Variants in HMCN1 observed in about 807,000 individuals in gnomAD.
HMCN1 encodes hemicentin-1.
A neutral mutation model predicts 625.9 loss-of-function variants in HMCN1; 321 were observed. The observed-to-expected ratio is 0.51, with a 90% CI of 0.47 to 0.56. The LOEUF (loss-of-function observed/expected upper bound fraction) is 0.56. Among genes scored for constraint, HMCN1 ranks in the 20% least tolerant of loss-of-function variants. HMCN1 has a pLI of 0.00. For missense variants in HMCN1, 6,588 were observed against 6,887.3 expected (o/e 0.96, Z 1.54); for synonymous variants, 2,425 against 2,417.6 (o/e 1.00, Z -0.09).
At chr1:186,002,205 A>G (rs376836887) in intron 28 of HMCN1, among the ~76,000 whole-genome samples, 3 of 152,098 alleles carry the variant, frequency 2.0e-5, no homozygotes, top group African/African-American at 7.2e-5. Flanking sequence ...TAACTAAGTC[A>G]GTCCTGATTC....
chr1:186,180,062 C>G (rs546521330), intron 104 of HMCN1, among the ~76,000 whole-genome samples: 48 of 152,284 alleles, frequency 3.2e-4, no homozygotes, highest in African/African-American at 1.1e-3. Flanking sequence ...TCTTCTACCA[C>G]CAAACATTAA....
At position 186,112,742 on chromosome 1, in the gene HMCN1, T is replaced by G. The variant is rs910469929; in HGVS notation, c.10990-70T>G. ...CACAGTTCACTATACTTACTTTTGA[T>G]GCTGTGAAATAATATTTATTCTCTT... On this transcript the variant is annotated intron_variant, in intron 71 of 106. Transcript: ENST00000271588. 7.6e-6 allele frequency: 12 copies of G among 1,576,120 alleles called. No individual in the cohort carries two copies. The Admixed American group carries it at 1.0e-4, about 13-fold the overall frequency.
At chr1:185,810,003 G>A (rs973073182) in intron 1 of HMCN1, among the ~76,000 whole-genome samples, 1 of 152,060 alleles carries the variant, frequency 6.6e-6, no homozygotes, top group Non-Finnish European at 1.5e-5. Flanking sequence ...TAAAGGTGAG[G>A]AAATAAACAC....
At chr1:186,146,928 C>T (rs1650351388) in intron 93 of HMCN1, among the ~76,000 whole-genome samples, 1 of 152,154 alleles carries the variant, frequency 6.6e-6, no homozygotes. Flanking sequence ...CACTGGGACT[C>T]AAGTCCCTCT....
At chr1:185,760,906 G>C (rs111646686) in intron 1 of HMCN1, among the ~76,000 whole-genome samples, 3,123 of 152,264 alleles carry the variant, frequency 0.021, 60 homozygotes, top group South Asian at 0.052. Flanking sequence ...AAGTTTTACT[G>C]TCAGAGTCTC....
At position 186,063,449 on chromosome 1, in the gene HMCN1, A is replaced by AGAAG. The variant is rs71798893; in HGVS notation, c.7513+911_7513+914dup. 7.0e-3 allele frequency among the ~76,000 whole-genome samples: 730 copies of AGAAG among 104,328 alleles called. 7 individuals are homozygous for AGAAG. Among genetic ancestry groups the AGAAG allele is most frequent in the Non-Finnish European group, 8.8e-3 (447 of 50,836 alleles). 68.4% of individuals were successfully genotyped at this position (104,328 alleles called of 152,430 possible). A position where few individuals can be genotyped will look rare whatever the true frequency, so the allele number is the denominator to read the frequency against. On this transcript the variant is annotated intron_variant, in intron 48 of 106. Transcript: ENST00000271588. ...AAGGGAGGGAGGGAGGGACGGAGAGAGAAGGAAGGAAGGAAGGAAGGAAGG... is the reference window on the plus strand; with the variant it reads ...AAGGGAGGGAGGGAGGGACGGAGAGAGAAGGAAGGAAGGAAGGAAGGAAGGAAGG...
At chr1:185,750,426 A>G (rs1311974538) in intron 1 of HMCN1, among the ~76,000 whole-genome samples, 1 of 152,152 alleles carries the variant, frequency 6.6e-6, no homozygotes, top group Non-Finnish European at 1.5e-5. Context: ...AAATGTTCCC[A>G]TTGTAATTAT....
chr1:186,002,573 T>G (rs755016123), intron 28 of HMCN1, among the ~76,000 whole-genome samples: 19 of 152,124 alleles, frequency 1.2e-4, no homozygotes, highest in Non-Finnish European at 2.2e-4. Context: ...GAAATCATTG[T>G]TATCATGAGT....
rs1658517843 is a variant in HMCN1, at chr1:185,797,965, C to CAG, written c.269-48060_269-48059insGA. 1.5e-4 allele frequency among the ~76,000 whole-genome samples: 2 copies of CAG among 13,664 alleles called. 1 individual carries two copies. The highest frequency in any genetic ancestry group is 2.4e-4 in the Non-Finnish European group (2 of 8,268). 9.0% of individuals were successfully genotyped at this position (13,664 alleles called of 152,430 possible). ...TGGGCGACAGAGCGAGACTCCGTCT[C>CAG]AAAAAAAAAAAAAAAAAAAAAAAAA... is the stretch of plus-strand genomic sequence containing the variant. On this transcript the variant is annotated intron_variant, in intron 1 of 106. Transcript: ENST00000271588.
chr1:186,162,192 T>C (rs1336650031), intron 97 of HMCN1, among the ~76,000 whole-genome samples: 2 of 152,226 alleles, frequency 1.3e-5, no homozygotes, highest in African/African-American at 2.4e-5. Context: ...TGATGTCCTT[T>C]CTTCCAGTTG....
chr1:186,080,549 G>A lies in HMCN1; in HGVS notation c.8600-658G>A, dbSNP rs180892221. Reference sequence around the variant, plus strand: ...ATGAACACATGTAGAAAAATCTAGAGTGGGACTTCTCAAACTTTAGCATAC... The same window carrying A: ...ATGAACACATGTAGAAAAATCTAGAATGGGACTTCTCAAACTTTAGCATAC... On this transcript the variant is annotated intron_variant, in intron 55 of 106. Coordinates refer to ENST00000271588, the MANE Select transcript of HMCN1 (RefSeq NM_031935.3). Among the ~76,000 whole-genome samples the A allele has an allele frequency of 1.1e-3, 162 of 152,236 alleles. 1 individual carries two copies. The highest frequency in any genetic ancestry group is 2.6e-4 in the Non-Finnish European group (18 of 68,014).
rs137992755 is a variant in HMCN1, at chr1:186,049,536, T to C, written c.6577+697T>C. ...TTGTTACTAATTAAGATAATTCTTA[T>C]AGTCACAACTTTTGCCTCAGCTGTG... On this transcript the variant is annotated intron_variant, in intron 42 of 106. Transcript: ENST00000271588. Among the ~76,000 whole-genome samples, 295 of 152,136 alleles carry C rather than the reference T, an allele frequency of 1.9e-3. 1 individual carries two copies. The highest frequency in any genetic ancestry group is 6.8e-3 in the African/African-American group (281 of 41,474).
intron 2 of HMCN1, among the ~76,000 whole-genome samples, chr1:185,856,192 T>C (rs1018316995): frequency 7.2e-5 from 11 of 152,284 alleles, no homozygotes; most frequent in African/African-American, 2.6e-4. Context: ...AGTTGTAAAA[T>C]TTTGTTCAGC....
At chr1:186,170,136 T>A (rs1384545024) in intron 100 of HMCN1, among the ~76,000 whole-genome samples, 2 of 152,146 alleles carry the variant, frequency 1.3e-5, no homozygotes, top group African/African-American at 4.8e-5. Context: ...TTACGCAAGT[T>A]AGAATGGCAA....
At chr1:186,066,645 C>T (rs1244770609) in intron 49 of HMCN1, among the ~76,000 whole-genome samples, 1 of 152,152 alleles carries the variant, frequency 6.6e-6, no homozygotes, top group African/African-American at 2.4e-5. Context: ...AAGCACTTCC[C>T]TTTTTCTAGG....
chr1:185,881,949 A>G (rs1226421414), intron 4 of HMCN1, among the ~76,000 whole-genome samples: 1 of 152,140 alleles, frequency 6.6e-6, no homozygotes, highest in Non-Finnish European at 1.5e-5. Context: ...TTTTCCCTGT[A>G]CTTCCTCTTT....
intron 26 of HMCN1, 22 bp downstream of exon 26, chr1:186,000,261 T>G (rs1653088623): frequency 6.4e-7 from 1 of 1,563,962 alleles, no homozygotes; most frequent in African/African-American, 1.4e-5. Flanking sequence ...TAAAATCATG[T>G]AACTGACTGT....
intron 4 of HMCN1, among the ~76,000 whole-genome samples, chr1:185,884,732 T>C (rs1178946839): frequency 5.3e-5 from 8 of 152,014 alleles, no homozygotes; most frequent in Admixed American, 5.2e-4. Flanking sequence ...GTGATCACAC[T>C]TTGTGAGGAA....
Position 186,017,036 on chromosome 1 carries a change from T to C in HMCN1, c.5265T>C (p.Asp1755=). The change falls in exon 33 of 107, where the codon GAT becomes GAC. Residue 1755 remains aspartate (D), a synonymous_variant. Coordinates refer to ENST00000271588, the MANE Select transcript of HMCN1 (RefSeq NM_031935.3). The stretch of plus-strand genomic sequence containing the variant: ...TGGTTAATAACTTACTGGAGCTAGA[T>C]TGTCATGTGACAGGCTCTCCCCCAC... ...IVMVNNLLEL[D]CHVTGSPPPT... The C allele has an allele frequency of 6.2e-7, 1 of 1,608,324 alleles. No homozygotes were observed.
Sources: allele counts gnomAD v4.1 joint callset (sites outside exome capture counted in the v4.1 genomes callset), GRCh38; gene constraint gnomAD v4.1.1; transcripts MANE v1.5; gene names NCBI Gene and HGNC (gene_info 2026-07-23, HGNC 2026-07-21).